RMDN2: variants seen among roughly 807,000 people sequenced by gnomAD.
RMDN2 encodes regulator of microtubule dynamics protein 2.
In RMDN2, 61 loss-of-function variants were observed where a neutral mutation model predicts 52.8. That is an observed-to-expected ratio of 1.16 (90% confidence interval 0.94 to 1.43). The LOEUF is 1.43. RMDN2 is among the 40% of genes most tolerant of loss of function. RMDN2 has a pLI of 0.00. For missense variants in RMDN2, 592 were observed against 475.3 expected, an observed-to-expected ratio of 1.25 and a Z score of -2.28; for synonymous variants, 180 against 153.1, an observed-to-expected ratio of 1.18 and a Z score of -1.30.
chr2:37,960,527 A>G (rs759549350), intron 2 of RMDN2, among the ~76,000 whole-genome samples: 6 of 151,986 alleles, frequency 3.9e-5, no homozygotes, highest in Non-Finnish European at 5.9e-5. Flanking sequence ...TTTTGAGCCT[A>G]TGTGTGTCTT....
intron 2 of RMDN2, among the ~76,000 whole-genome samples, chr2:37,946,520 G>A (rs1227117910): frequency 2.6e-5 from 4 of 152,224 alleles, no homozygotes; most frequent in African/African-American, 4.8e-5. Flanking sequence ...ACACTTTATC[G>A]TTTAGCACAT....
intron 5 of RMDN2, among the ~76,000 whole-genome samples, chr2:37,983,850 G>A (rs938479880): frequency 6.6e-6 from 1 of 152,126 alleles, no homozygotes; most frequent in African/African-American, 2.4e-5. Context: ...CAGCATGAAT[G>A]ACAAACTATA....
At chr2:37,935,460 GTGTGGTGATTTATA>G (rs1450403068) in intron 2 of RMDN2, among the ~76,000 whole-genome samples, 4 of 152,230 alleles carry the variant, frequency 2.6e-5, no homozygotes, top group Non-Finnish European at 4.4e-5. Flanking sequence ...GAAGCTCATT[GTGTGGTGATTTATA>G]TGCCTTGCTG....
intron 4 of RMDN2, chr2:37,976,491 A>C (rs141610775): frequency 1.5e-4 from 23 of 152,314 alleles, no homozygotes; most frequent in African/African-American, 5.5e-4. Context: ...TGTAATTTTT[A>C]TTTCCAAGTA....
intron 2 of RMDN2, among the ~76,000 whole-genome samples, chr2:37,942,044 G>T (rs1475703942): frequency 6.6e-6 from 1 of 152,136 alleles, no homozygotes; most frequent in Non-Finnish European, 1.5e-5. Flanking sequence ...AGGCACCCGA[G>T]GAAATCTCCT....
At chr2:37,941,967 A>G (rs1348646003) in intron 2 of RMDN2, among the ~76,000 whole-genome samples, 1 of 150,170 alleles carries the variant, frequency 6.7e-6, no homozygotes, top group East Asian at 1.9e-4. Flanking sequence ...AAATTCCTGC[A>G]GCTAGCTCGG....
chr2:37,942,025 T>C (rs1416906214), intron 2 of RMDN2, among the ~76,000 whole-genome samples: 1 of 151,854 alleles, frequency 6.6e-6, no homozygotes, highest in Admixed American at 6.6e-5. Flanking sequence ...CCCTGGGCCC[T>C]TGTGGTGTAG....
At chr2:37,929,768 A>G (rs758960480) in intron 2 of RMDN2, 39 bp downstream of exon 2, 1 of 1,284,774 alleles carries the variant, frequency 7.8e-7, no homozygotes, top group African/African-American at 1.5e-5. Flanking sequence ...TGAATTGGTT[A>G]TTATCATTAT....
chr2:37,932,131 A>G (rs1666807887), intron 2 of RMDN2, among the ~76,000 whole-genome samples: 1 of 151,952 alleles, frequency 6.6e-6, no homozygotes, highest in Non-Finnish European at 1.5e-5. Flanking sequence ...GCAGGGTCAC[A>G]GGACAGTAGT....
Position 37,929,484 on chromosome 2 carries a change from A to G in RMDN2, c.207A>G (p.Gln69=). 1 of 1,551,726 alleles carries G rather than the reference A, an allele frequency of 6.4e-7. No homozygotes were observed. Among genetic ancestry groups the G allele is most frequent in the Non-Finnish European group, 8.7e-7 (1 of 1,146,898 alleles). The change falls in exon 2 of 11, where the codon CAA becomes CAG. Residue 69 remains glutamine, a synonymous_variant. Coordinates refer to ENST00000354545, the MANE Select transcript of RMDN2 (RefSeq NM_001170791.3). ...ACCAAGGAACAACAGTAATCTTTCA[A>G]GAAAGGCAACTTCAGATACTGGAGA... ...HDDQGTTVIF[Q]ERQLQILEKL...
In RMDN2 at chr2:37,929,324, G is replaced by T; in HGVS notation, c.47G>T (p.Gly16Val). 1 of 1,551,380 alleles carries T rather than the reference G, an allele frequency of 6.4e-7. No individual in the cohort carries two copies. Residue 16 changes from glycine to valine, a missense_variant, in exon 2 of 11, where the codon GGC becomes GTC. Transcript: ENST00000354545. ...GAGTTGATACTTGGCATCATGGTGG[G>T]CACTGCTGGAATCAGCTTGCTGCTC... ...NKELILGIMV[G>V]TAGISLLLLW...
At chr2:38,008,695 C>T (rs1373559931) in intron 10 of RMDN2, among the ~76,000 whole-genome samples, 1 of 152,120 alleles carries the variant, frequency 6.6e-6, no homozygotes, top group Non-Finnish European at 1.5e-5. Flanking sequence ...GAGCATTTAG[C>T]CCATTTACAT....
intron 10 of RMDN2, among the ~76,000 whole-genome samples, chr2:38,050,885 C>T (rs552481178): frequency 1.3e-5 from 2 of 152,304 alleles, no homozygotes; most frequent in Admixed American, 1.3e-4. Context: ...CAGCATCCCA[C>T]GTGGTAGCTG....
intron 10 of RMDN2, among the ~76,000 whole-genome samples, chr2:38,029,181 G>C (rs942299992): frequency 2.0e-5 from 3 of 152,030 alleles, no homozygotes; most frequent in Non-Finnish European, 4.4e-5. Context: ...CAGATCTCCA[G>C]CATCCCCAAC....
intron 10 of RMDN2, among the ~76,000 whole-genome samples, chr2:38,009,538 C>T (rs752022155): frequency 5.9e-5 from 9 of 152,284 alleles, no homozygotes; most frequent in Non-Finnish European, 1.0e-4. Context: ...ACGTAGTTCT[C>T]GTGCCTTGGT....
At chr2:38,008,865 GT>G (rs1396317068) in intron 10 of RMDN2, among the ~76,000 whole-genome samples, 3 of 152,156 alleles carry the variant, frequency 2.0e-5, no homozygotes, top group Non-Finnish European at 4.4e-5. Flanking sequence ...TCCATGTTGA[GT>G]GCTTCCTTCA....
At chr2:37,937,656 G>A (rs900322009) in intron 2 of RMDN2, among the ~76,000 whole-genome samples, 9 of 152,056 alleles carry the variant, frequency 5.9e-5, no homozygotes, top group Admixed American at 3.3e-4. Flanking sequence ...TCTATCTGTA[G>A]CAATTATGAA....
intron 7 of RMDN2, among the ~76,000 whole-genome samples, chr2:37,995,333 C>A (rs1200081987): frequency 6.6e-6 from 1 of 150,536 alleles, no homozygotes; most frequent in Non-Finnish European, 1.5e-5. Context: ...ACTACTACTA[C>A]TACTACTACT....
intron 10 of RMDN2, among the ~76,000 whole-genome samples, chr2:38,045,578 T>C (rs1429649413): frequency 1.4e-5 from 2 of 144,248 alleles, no homozygotes; most frequent in Non-Finnish European, 3.0e-5. Context: ...ATGATAAAGC[T>C]AGATAAAATT....
Sources: allele counts gnomAD v4.1 joint callset (sites outside exome capture counted in the v4.1 genomes callset), GRCh38; gene constraint gnomAD v4.1.1; transcripts MANE v1.5; gene names NCBI Gene and HGNC (gene_info 2026-07-23, HGNC 2026-07-21).